The following UNC13C variants were observed in gnomAD, a reference collection of about 807,000 sequenced individuals.
The protein encoded by UNC13C is unc-13 homolog C, also known as protein unc-13 homolog C.
UNC13C carries 174 observed loss-of-function variants against 245.4 expected under a neutral mutation model. That is an observed-to-expected ratio of 0.71 (90% CI 0.63 to 0.80). The LOEUF is 0.80. UNC13C is among the 30% of genes least tolerant of loss of function. UNC13C has a pLI of 0.00. For synonymous variants in UNC13C, 992 were observed against 895.1 expected (o/e 1.11, Z -1.93); for missense variants, 2,829 against 2,602.9 (o/e 1.09, Z -1.89).
At chr15:54,077,844 T>C (rs1341086281) in intron 2 of UNC13C, among the ~76,000 whole-genome samples, 1 of 152,206 alleles carries the variant, frequency 6.6e-6, no homozygotes, top group Non-Finnish European at 1.5e-5. Context: ...ATTACAGATT[T>C]AGGGGGTACT....
At chr15:54,512,515 C>G (rs957722020) in intron 24 of UNC13C, 1 of 363,200 alleles carries the variant, frequency 2.8e-6, no homozygotes, top group Non-Finnish European at 5.5e-6. Context: ...TAGCTATGCA[C>G]CTGCATCTTC....
intron 4 of UNC13C, among the ~76,000 whole-genome samples, chr15:54,219,825 G>A (rs1340709202): frequency 3.3e-5 from 5 of 151,482 alleles, no homozygotes; most frequent in South Asian, 2.1e-4. Context: ...CATTTATGCA[G>A]CCAAAAGACA....
intron 9 of UNC13C, 57 bp from the exon 10 acceptor site, chr15:54,265,298 T>C (rs2036524902): frequency 1.5e-6 from 2 of 1,300,058 alleles, no homozygotes; most frequent in Non-Finnish European, 2.0e-6. Flanking sequence ...TTTGTTATTA[T>C]TATTTTTTGT....
chr15:54,451,484 G>C (rs1332653347), intron 19 of UNC13C, among the ~76,000 whole-genome samples: 1 of 151,938 alleles, frequency 6.6e-6, no homozygotes, highest in Admixed American at 6.6e-5. Flanking sequence ...AAAATTGTCT[G>C]ACTGGATTAT....
chr15:54,149,475 A>T (rs554599470), intron 4 of UNC13C, among the ~76,000 whole-genome samples: 1 of 152,326 alleles, frequency 6.6e-6, no homozygotes, highest in African/African-American at 2.4e-5. Flanking sequence ...CCAGTGACTC[A>T]TCATGCCCAT....
At chr15:54,185,976 G>A (rs1402432658) in intron 4 of UNC13C, among the ~76,000 whole-genome samples, 1 of 151,592 alleles carries the variant, frequency 6.6e-6, no homozygotes, top group Admixed American at 6.6e-5. Context: ...TCCTTGAAGA[G>A]GTCCTTCACA....
chr15:54,218,720 C>G (rs2035121385), intron 4 of UNC13C, among the ~76,000 whole-genome samples: 1 of 151,692 alleles, frequency 6.6e-6, no homozygotes. Flanking sequence ...TGTTGGCAAT[C>G]CAAAAAATGG....
At chr15:53,967,832 TA>T in the UNC13C span, among the ~76,000 whole-genome samples, 4 of 152,198 alleles carry the variant, frequency 2.6e-5, no homozygotes, top group East Asian at 5.8e-4. Flanking sequence ...ATATAGATAG[TA>T]AAATATGAAA....
Position 54,293,920 on chromosome 15 carries a change from A to C in UNC13C, c.3844A>C (p.Ile1282Leu), listed in dbSNP as rs760924487. The C allele has an allele frequency of 6.3e-7, 1 of 1,583,514 alleles. No homozygotes were observed. Among genetic ancestry groups the C allele is most frequent in the African/African-American group, 1.4e-5 (1 of 72,956 alleles). Reference protein sequence around the residue: ...YFECHNSTDRIKVRVWDEDDD... With the variant: ...YFECHNSTDRLKVRVWDEDDD... ...TGAGTGTCATAACTCCACAGATCGA[A>C]TCAAAGTCAGAGTATGGGATGAAGA... Residue 1282 changes from isoleucine to leucine, a missense_variant, in exon 11 of 33, where the codon ATC becomes CTC. Transcript: ENST00000260323.
intron 29 of UNC13C, among the ~76,000 whole-genome samples, chr15:54,558,056 A>C (rs1897160623): frequency 6.6e-6 from 1 of 151,998 alleles, no homozygotes; most frequent in Admixed American, 6.6e-5. Flanking sequence ...GAATAATGAG[A>C]ACACATGGAC....
At chr15:54,254,290 G>A (rs1044522007) in intron 8 of UNC13C, among the ~76,000 whole-genome samples, 2 of 152,206 alleles carry the variant, frequency 1.3e-5, no homozygotes, top group Admixed American at 6.5e-5. Flanking sequence ...AAGAAAGTAA[G>A]TGGTATTTTT....
rs531225918 is a variant in UNC13C, at chr15:54,063,888, G to A, written c.2983+48002G>A. ...AAAGGGCCATTAGACAAATCTGTGTGGAAATACAGGATTTTTGGAGGCACA... is the reference window on the plus strand; with the variant it reads ...AAAGGGCCATTAGACAAATCTGTGTAGAAATACAGGATTTTTGGAGGCACA... On this transcript the variant is annotated intron_variant, in intron 2 of 32. Coordinates refer to ENST00000260323, the MANE Select transcript of UNC13C (RefSeq NM_001080534.3). 2.6e-4 allele frequency among the ~76,000 whole-genome samples: 39 copies of A among 152,168 alleles called. 2 individuals carry two copies. In the South Asian group the frequency reaches 7.9e-3, roughly 31 times the overall value.
chr15:54,255,830 C>T (rs2036265799), intron 8 of UNC13C, among the ~76,000 whole-genome samples: 1 of 152,186 alleles, frequency 6.6e-6, no homozygotes, highest in South Asian at 2.1e-4. Flanking sequence ...TACCACCTCT[C>T]TCCCAGCATG....
chr15:54,508,363 G>C (rs1894577125), intron 23 of UNC13C, among the ~76,000 whole-genome samples: 1 of 152,040 alleles, frequency 6.6e-6, no homozygotes, highest in African/African-American at 2.4e-5. Flanking sequence ...AGGCAAATTA[G>C]TTTTTAAAAG....
At chr15:53,882,304 A>T in the UNC13C span, among the ~76,000 whole-genome samples, 1 of 152,196 alleles carries the variant, frequency 6.6e-6, no homozygotes, top group Non-Finnish European at 1.5e-5. Flanking sequence ...GTATACAAAT[A>T]TAATATCTTT....
At chr15:54,448,007 A>T (rs983226743) in intron 19 of UNC13C, among the ~76,000 whole-genome samples, 5 of 152,086 alleles carry the variant, frequency 3.3e-5, no homozygotes, top group Admixed American at 1.3e-4. Context: ...GAACATCTTT[A>T]TTTCTGCCTT....
chr15:54,576,663 A>T (rs1304251420), intron 30 of UNC13C, among the ~76,000 whole-genome samples: 1 of 152,150 alleles, frequency 6.6e-6, no homozygotes, highest in East Asian at 1.9e-4. Context: ...GGAGTCTACT[A>T]TACACCTGTA....
chr15:54,243,626 A>G (rs952840904), intron 7 of UNC13C, among the ~76,000 whole-genome samples: 5 of 152,108 alleles, frequency 3.3e-5, no homozygotes, highest in African/African-American at 1.2e-4. Flanking sequence ...TTCTGCAACC[A>G]TGCCAGCATC....
intron 20 of UNC13C, among the ~76,000 whole-genome samples, chr15:54,496,630 T>C (rs1893960911): frequency 6.6e-6 from 1 of 152,008 alleles, no homozygotes; most frequent in Non-Finnish European, 1.5e-5. Flanking sequence ...GGAATACTAC[T>C]CAGCCATAAA....
Sources: gnomAD v4.1 joint callset for allele counts (sites outside exome capture counted in the v4.1 genomes callset) on GRCh38, gnomAD v4.1.1 for gene constraint, MANE v1.5 for transcripts, NCBI Gene and HGNC (gene_info 2026-07-23, HGNC 2026-07-21) for gene names.